ASF1B: variants seen among roughly 807,000 people sequenced by gnomAD.
The protein encoded by ASF1B is histone chaperone ASF1B.
ASF1B carries 10 observed loss-of-function variants against 16.6 expected under a neutral mutation model. That is an observed-to-expected ratio of 0.60 (90% CI 0.37 to 1.02). The LOEUF (loss-of-function observed/expected upper bound fraction) is 1.02, where lower values mean the gene tolerates loss of function less well. Ranked by LOEUF, ASF1B falls within the 50% of genes least tolerant of loss-of-function variation. ASF1B has a pLI of 0.01. For missense variants in ASF1B, 240 were observed against 266.0 expected, an observed-to-expected ratio of 0.90 and a Z score of 0.68; for synonymous variants, 101 against 106.2, an observed-to-expected ratio of 0.95 and a Z score of 0.30.
At chr19:14,128,179 C>T (rs1445526004) in intron 1 of ASF1B, among the ~76,000 whole-genome samples, 1 of 152,212 alleles carries the variant, frequency 6.6e-6, no homozygotes, top group Non-Finnish European at 1.5e-5. Flanking sequence ...CCCTTCAGCT[C>T]TAGCAGCTGG....
intron 3 of ASF1B, among the ~76,000 whole-genome samples, chr19:14,120,971 G>A (rs949443099): frequency 3.3e-5 from 5 of 152,008 alleles, no homozygotes; most frequent in Non-Finnish European, 5.9e-5. Context: ...CAGGTGCAAG[G>A]CACCATACCT....
intron 2 of ASF1B, among the ~76,000 whole-genome samples, chr19:14,123,770 G>T: frequency 6.6e-6 from 1 of 150,508 alleles, no homozygotes; most frequent in Middle Eastern, 3.4e-3. Context: ...TGGAACTCCT[G>T]GGCTCAAGCG....
chr19:14,122,604 CT>C (rs1361944862), intron 2 of ASF1B, among the ~76,000 whole-genome samples: 7 of 152,190 alleles, frequency 4.6e-5, no homozygotes, highest in Non-Finnish European at 1.5e-5. Flanking sequence ...AAGCGATCCT[CT>C]CACCTCAGCC....
At position 14,129,814 on chromosome 19, in the gene ASF1B, A is replaced by G. The variant is rs534099251; in HGVS notation, c.110-3577T>C. Among the ~76,000 whole-genome samples the G allele has an allele frequency of 3.3e-4, 50 of 149,530 alleles. No homozygotes were observed. In the South Asian group the frequency reaches 0.01, roughly 31 times the overall value. On this transcript the variant is annotated intron_variant, in intron 1 of 3. Coordinates refer to ENST00000263382, the MANE Select transcript of ASF1B (RefSeq NM_018154.3). ...GTAATCCTAGCACTTTGGGAGGCTG[A>G]GGCGGGTGGATTGCTTGAGCTCAGA... is the stretch of plus-strand genomic sequence containing the variant.
intron 1 of ASF1B, among the ~76,000 whole-genome samples, chr19:14,127,107 T>A (rs1266793582): frequency 6.6e-6 from 1 of 152,152 alleles, no homozygotes; most frequent in African/African-American, 2.4e-5. Flanking sequence ...TTTAGACAGA[T>A]CCTTAATATG....
intron 2 of ASF1B, among the ~76,000 whole-genome samples, chr19:14,123,465 C>T (rs1432949773): frequency 2.0e-5 from 3 of 150,116 alleles, no homozygotes; most frequent in Non-Finnish European, 4.4e-5. Context: ...CTGCAAGCTC[C>T]GCCTCCCAGG....
At chr19:14,126,349 G>C (rs922058730) in intron 1 of ASF1B, 112 bp from the exon 2 acceptor site, 3 of 710,198 alleles carry the variant, frequency 4.2e-6, no homozygotes, top group Admixed American at 2.4e-5. Flanking sequence ...CTGTCACACA[G>C]GTTAGAATAC....
Position 14,136,495 on chromosome 19 carries a change from T to G in ASF1B, c.-39A>C, listed in dbSNP as rs1305798152. ...CGCGCCGCAGCAGGGGCAGGGGCTG[T>G]GGCTGTGGCGGAGGCCGCGCCTGGG... On this transcript the variant is annotated 5_prime_UTR_variant, in exon 1 of 4. Coordinates refer to ENST00000263382, the MANE Select transcript of ASF1B (RefSeq NM_018154.3). The G allele has an allele frequency of 6.3e-7, 1 of 1,590,916 alleles. No individual in the cohort carries two copies. The highest frequency in any genetic ancestry group is 2.2e-5 in the East Asian group (1 of 44,480).
At chr19:14,123,541 G>A (rs938926666) in intron 2 of ASF1B, among the ~76,000 whole-genome samples, 1 of 151,538 alleles carries the variant, frequency 6.6e-6, no homozygotes, top group Non-Finnish European at 1.5e-5. Flanking sequence ...CACCAGGCCT[G>A]GCTAATTTCT....
rs760110552 is a variant in ASF1B at position 14,128,413 on chromosome 19, C to T, written c.110-2176G>A. Reference sequence around the variant, plus strand: ...AACCCTATAGCAGGTCTGTAGGATACGGGTGACCATTGAACTCACAGGTGT... The same window carrying T: ...AACCCTATAGCAGGTCTGTAGGATATGGGTGACCATTGAACTCACAGGTGT... On this transcript the variant is annotated intron_variant, in intron 1 of 3. Coordinates refer to ENST00000263382, the MANE Select transcript of ASF1B (RefSeq NM_018154.3). 3.9e-5 allele frequency among the ~76,000 whole-genome samples: 6 copies of T among 152,164 alleles called. No homozygotes were observed. The South Asian group carries it at 8.3e-4, about 21-fold the overall frequency.
At chr19:14,125,805 G>A (rs985521817) in intron 2 of ASF1B, among the ~76,000 whole-genome samples, 18 of 151,730 alleles carry the variant, frequency 1.2e-4, no homozygotes, top group African/African-American at 4.1e-4. Flanking sequence ...CTCCCACCTC[G>A]GCCTCCCAAA....
chr19:14,129,735 A>T (rs1025475953), intron 1 of ASF1B, among the ~76,000 whole-genome samples: 1 of 149,474 alleles, frequency 6.7e-6, no homozygotes, highest in African/African-American at 2.5e-5. Flanking sequence ...AGAAAGGAAG[A>T]AAAAAAGAGT....
At chr19:14,134,956 G>T (rs1967464394) in intron 1 of ASF1B, among the ~76,000 whole-genome samples, 1 of 151,918 alleles carries the variant, frequency 6.6e-6, no homozygotes, top group Non-Finnish European at 1.5e-5. Context: ...GGGCACGGTG[G>T]CTCACGCCTG....
chr19:14,126,233 C>G lies in ASF1B; in HGVS notation c.114G>C (p.Leu38=). Residue 38 remains leucine, a synonymous_variant, in exon 2 of 4, where the codon CTG becomes CTC. Coordinates refer to ENST00000263382, the MANE Select transcript of ASF1B (RefSeq NM_018154.3). ...FECSEALADD[L]EWKIIYVGSA... ...AGCCAACATAAATGATCTTCCACTC[C>G]AGGTCTGCAAAGATATAGGAGGGTT... The G allele has an allele frequency of 1.2e-6, 2 of 1,610,904 alleles. No homozygotes were observed. The highest frequency in any genetic ancestry group is 1.7e-6 in the Non-Finnish European group (2 of 1,178,898).
chr19:14,120,625 C>A lies in ASF1B; in HGVS notation c.443G>T (p.Arg148Leu). The A allele has an allele frequency of 1.2e-6, 2 of 1,614,008 alleles. 1 individual carries two copies. The highest frequency in any genetic ancestry group is 2.2e-5 in the South Asian group (2 of 91,074). ...GTTGTTGTCCCAGTTGATATGGAAG[C>A]GGGTCACCCGGGGGTTCGAGGCCAA... ...NILASNPRVT[R>L]FHINWDNNMD... is the part of the protein sequence containing the mutation. Residue 148 changes from arginine (R) to leucine (L), a missense_variant, in exon 4 of 4, where the codon CGC becomes CTC. By Grantham distance (102) the Arg-to-Leu change is moderately radical. Coordinates refer to ENST00000263382, the MANE Select transcript of ASF1B (RefSeq NM_018154.3).
intron 1 of ASF1B, among the ~76,000 whole-genome samples, chr19:14,136,084 G>C (rs1009555736): frequency 7.3e-5 from 11 of 151,588 alleles, no homozygotes; most frequent in African/African-American, 2.7e-4. Context: ...GCCACTGGGA[G>C]GTCCGAGTTA....
At chr19:14,121,798 G>A (rs2144508619) in intron 2 of ASF1B, 90 bp from the exon 3 acceptor site, 2 of 1,237,382 alleles carry the variant, frequency 1.6e-6, no homozygotes, top group East Asian at 5.3e-5. Flanking sequence ...TGTATTTACT[G>A]AGCAAAAAGT....
Position 14,120,632 on chromosome 19 carries a change from C to T in ASF1B, c.436G>A (p.Val146Met), listed in dbSNP as rs1967221010. The T allele has an allele frequency of 6.2e-7, 1 of 1,614,032 alleles. No homozygotes were observed. Among genetic ancestry groups the T allele is most frequent in the Non-Finnish European group, 8.5e-7 (1 of 1,180,012 alleles). Reference sequence around the variant, plus strand: ...TCCCAGTTGATATGGAAGCGGGTCACCCGGGGGTTCGAGGCCAAGATGTTC... The same window carrying T: ...TCCCAGTTGATATGGAAGCGGGTCATCCGGGGGTTCGAGGCCAAGATGTTC... ...QRNILASNPR[V>M]TRFHINWDNN... Residue 146 changes from valine (V) to methionine (M), a missense_variant, in exon 4 of 4, where the codon GTG becomes ATG. Val to Met is a conservative substitution (Grantham distance 21). Coordinates refer to ENST00000263382, the MANE Select transcript of ASF1B (RefSeq NM_018154.3).
At chr19:14,131,189 CTTTTTTTT>C (rs917061483) in intron 1 of ASF1B, among the ~76,000 whole-genome samples, 1 of 117,780 alleles carries the variant, frequency 8.5e-6, no homozygotes, top group Middle Eastern at 6.3e-3. Flanking sequence ...TTTTTTTTTT[CTTTTTTTT>C]TTTTTGAAAC....
Sources: allele counts gnomAD v4.1 joint callset (sites outside exome capture counted in the v4.1 genomes callset), GRCh38; gene constraint gnomAD v4.1.1; transcripts MANE v1.5; gene names NCBI Gene and HGNC (gene_info 2026-07-23, HGNC 2026-07-21).